Variants in STXBP4 observed in about 807,000 individuals in gnomAD.
The protein encoded by STXBP4 is syntaxin-binding protein 4.
In STXBP4, 55 loss-of-function variants were observed where a neutral mutation model predicts 76.1. The ratio of observed to expected loss-of-function variants is 0.72; its 90% CI spans 0.58 to 0.91. The LOEUF (loss-of-function observed/expected upper bound fraction) is 0.91. Among genes scored for constraint, STXBP4 ranks in the 40% least tolerant of loss-of-function variants. STXBP4 has a pLI of 0.00. For missense variants in STXBP4, 618 were observed against 636.9 expected (o/e 0.97, Z 0.32); for synonymous variants, 201 against 220.2 (o/e 0.91, Z 0.77).
At chr17:55,034,863 T>G (rs969856687) in intron 10 of STXBP4, among the ~76,000 whole-genome samples, 1 of 152,052 alleles carries the variant, frequency 6.6e-6, no homozygotes, top group African/African-American at 2.4e-5. Context: ...GTGAAGTCTA[T>G]TAGCTTCAAT....
intron 12 of STXBP4, among the ~76,000 whole-genome samples, chr17:55,054,957 G>C (rs781733024): frequency 6.6e-6 from 1 of 152,086 alleles, no homozygotes; most frequent in Non-Finnish European, 1.5e-5. Context: ...GGGGAAATTT[G>C]CTTGTGTTTG....
At chr17:55,115,277 T>C (rs1397493853) in intron 16 of STXBP4, among the ~76,000 whole-genome samples, 1 of 151,830 alleles carries the variant, frequency 6.6e-6, no homozygotes, top group Non-Finnish European at 1.5e-5. Context: ...TTAAAAAATA[T>C]AAGTGCAACA....
At chr17:55,066,304 A>G (rs1344284320) in intron 12 of STXBP4, among the ~76,000 whole-genome samples, 1 of 151,752 alleles carries the variant, frequency 6.6e-6, no homozygotes, top group African/African-American at 2.4e-5. Flanking sequence ...ACTCAGTGCA[A>G]CCTCCACCTC....
the STXBP4 span, among the ~76,000 whole-genome samples, chr17:55,201,928 A>C: frequency 6.6e-6 from 1 of 152,240 alleles, no homozygotes. Flanking sequence ...ATTATGTTGC[A>C]GGGTGATTAG....
At chr17:54,987,500 TCTTC>T (rs1441952834) in intron 3 of STXBP4, among the ~76,000 whole-genome samples, 2 of 152,202 alleles carry the variant, frequency 1.3e-5, no homozygotes, top group African/African-American at 4.8e-5. Context: ...TTTATAAAAA[TCTTC>T]CTTGTTTTTT....
At chr17:55,016,348 CA>C (rs1382597332) in intron 8 of STXBP4, among the ~76,000 whole-genome samples, 1 of 152,130 alleles carries the variant, frequency 6.6e-6, no homozygotes, top group Admixed American at 6.5e-5. Flanking sequence ...CCTTTGTGCT[CA>C]GGGGTGAGTC....
chr17:55,187,703 G>A, the STXBP4 span, among the ~76,000 whole-genome samples: 1 of 152,222 alleles, frequency 6.6e-6, no homozygotes, highest in Non-Finnish European at 1.5e-5. Context: ...AGAGGAGTGG[G>A]GAAGGAGTGT....
Position 55,163,563 on chromosome 17 carries a change from C to T in STXBP4, c.*3652C>T, listed in dbSNP as rs2080355805. 1 of 152,166 alleles carries T rather than the reference C, an allele frequency of 6.6e-6. No individual in the cohort carries two copies. Among genetic ancestry groups the T allele is most frequent in the Non-Finnish European group, 1.5e-5 (1 of 68,038 alleles). The allele number at this position is 152,166 out of a possible 1,614,324, so 9.4% of individuals were successfully genotyped here. On this transcript the variant is annotated 3_prime_UTR_variant, in exon 18 of 18. Transcript: ENST00000376352. ...TAGTAATCCCTTGCCTTTTCTCAAA[C>T]CAGTTCAACTCAGCAAACACTTCCT... is the stretch of plus-strand genomic sequence containing the variant.
intron 17 of STXBP4, among the ~76,000 whole-genome samples, chr17:55,157,513 A>G (rs2080292695): frequency 6.6e-6 from 1 of 152,216 alleles, no homozygotes; most frequent in African/African-American, 2.4e-5. Context: ...GATATTAGTA[A>G]TGTGGATTAT....
At chr17:55,101,331 GA>G (rs2079562313) in intron 16 of STXBP4, among the ~76,000 whole-genome samples, 1 of 152,110 alleles carries the variant, frequency 6.6e-6, no homozygotes, top group African/African-American at 2.4e-5. Context: ...CTACCCCTTT[GA>G]CACTTTTCTA....
intron 8 of STXBP4, among the ~76,000 whole-genome samples, chr17:55,007,910 TATGGCAAAGTAGACGAGGCTTCATA>T (rs2078038125): frequency 6.6e-6 from 1 of 152,162 alleles, no homozygotes; most frequent in Non-Finnish European, 1.5e-5. Context: ...TGTAACAAAT[TATGGCAAAGTAGACGAGGCTTCATA>T]ATGGCAATAA....
At chr17:55,159,717 A>G (rs948363141) in intron 17 of STXBP4, 80 bp from the exon 18 acceptor site, 2 of 884,334 alleles carry the variant, frequency 2.3e-6, no homozygotes, top group African/African-American at 1.7e-5. Flanking sequence ...GGTAGAAGCA[A>G]TGTCACCAGG....
intron 16 of STXBP4, among the ~76,000 whole-genome samples, chr17:55,109,178 A>G (rs574659454): frequency 6.6e-6 from 1 of 152,312 alleles, no homozygotes; most frequent in African/African-American, 2.4e-5. Context: ...TACCATGTGT[A>G]TTGCCTAAGA....
rs1455268641 is a variant in STXBP4, at chr17:55,168,110, A to C, written c.*8199A>C. ...AAGAAGTTGGCACCAAATTAAATGCATGGATTACTTCTCTGATAAAAGTAC... is the reference window on the plus strand; with the variant it reads ...AAGAAGTTGGCACCAAATTAAATGCCTGGATTACTTCTCTGATAAAAGTAC... On this transcript the variant is annotated 3_prime_UTR_variant, in exon 18 of 18. Coordinates refer to ENST00000376352, the MANE Select transcript of STXBP4 (RefSeq NM_178509.6). The C allele has an allele frequency of 1.6e-5, 1 of 63,260 alleles. No homozygotes were observed. Among genetic ancestry groups the C allele is most frequent in the Non-Finnish European group, 3.4e-5 (1 of 29,682 alleles). 3.9% of individuals were successfully genotyped at this position (63,260 alleles called of 1,614,324 possible). A position where few individuals can be genotyped will look rare whatever the true frequency, so the allele number is the denominator to read the frequency against.
Position 55,078,153 on chromosome 17 carries a change from A to T in STXBP4, c.1264A>T (p.Thr422Ser). The change falls in exon 14 of 18, where the codon ACT becomes TCT. Residue 422 changes from threonine to serine, a missense_variant. Physicochemically the swap from Thr to Ser is moderately conservative, Grantham distance 58 (BLOSUM62 1). Transcript: ENST00000376352. ...QLRKSEMARK[T>S]FEASTEKLLH... The stretch of plus-strand genomic sequence containing the variant: ...ACGAAAATCAGAAATGGCTCGAAAA[A>T]CTTTTGAGGCATCCACTGAAAAGCT... The T allele has an allele frequency of 6.2e-7, 1 of 1,612,182 alleles. No homozygotes were observed. Among genetic ancestry groups the T allele is most frequent in the Non-Finnish European group, 8.5e-7 (1 of 1,179,102 alleles).
At chr17:55,046,882 TAAA>T (rs1198106524) in intron 11 of STXBP4, among the ~76,000 whole-genome samples, 2 of 151,958 alleles carry the variant, frequency 1.3e-5, no homozygotes, top group African/African-American at 2.4e-5. Context: ...ATTAAGGTAA[TAAA>T]AAGTATATTT....
chr17:55,177,005 C>G (rs1013150060), downstream of STXBP4, among the ~76,000 whole-genome samples: 8 of 152,128 alleles, frequency 5.3e-5, no homozygotes, highest in Admixed American at 2.6e-4. Flanking sequence ...CACCAGTTCT[C>G]AGGACATCAG....
intron 1 of STXBP4, among the ~76,000 whole-genome samples, chr17:54,971,289 C>T: frequency 6.6e-6 from 1 of 152,140 alleles, no homozygotes; most frequent in East Asian, 1.9e-4. Context: ...CTACCAATAG[C>T]AAAATACCAC....
chr17:55,072,905 CA>C lies in STXBP4; in HGVS notation c.1020del (p.Ala341LeufsTer2). 1 of 1,594,320 alleles carries C rather than the reference CA, an allele frequency of 6.3e-7. No homozygotes were observed. Among genetic ancestry groups the C allele is most frequent in the African/African-American group, 1.4e-5 (1 of 73,984 alleles). On this transcript the variant is annotated frameshift_variant, in exon 13 of 18. Coordinates refer to ENST00000376352, the MANE Select transcript of STXBP4 (RefSeq NM_178509.6). LOFTEE classifies it high-confidence loss of function. The part of the protein sequence containing the change: ...EELQNVKQEA[K>X]AVVEETRALR... Reference sequence around the variant, plus strand: ...ATTAATTTTGAAATCTTTAGGAAGCCAAAGCTGTAGTTGAAGAAACAAGAGC... The same window carrying C: ...ATTAATTTTGAAATCTTTAGGAAGCCAAGCTGTAGTTGAAGAAACAAGAGC...
Sources: allele counts gnomAD v4.1 joint callset (sites outside exome capture counted in the v4.1 genomes callset), GRCh38; gene constraint gnomAD v4.1.1; transcripts MANE v1.5; gene names NCBI Gene and HGNC (gene_info 2026-07-23, HGNC 2026-07-21).